GC: variants seen among roughly 807,000 people sequenced by gnomAD.
GC encodes the protein vitamin D-binding protein.
A neutral mutation model predicts 56.7 loss-of-function variants in GC; 43 were observed. The ratio of observed to expected loss-of-function variants is 0.76; its 90% CI spans 0.59 to 0.98. The LOEUF is 0.98. Among genes scored for constraint, GC ranks in the 50% least tolerant of loss-of-function variants. The pLI is 0.00. For synonymous variants in GC, 216 were observed against 202.7 expected (o/e 1.07, Z -0.56); for missense variants, 529 against 545.9 (o/e 0.97, Z 0.31).
intron 3 of GC, among the ~76,000 whole-genome samples, chr4:71,765,991 A>G (rs906202728): frequency 6.6e-6 from 1 of 152,164 alleles, no homozygotes; most frequent in African/African-American, 2.4e-5. Context: ...GGGTCATTTG[A>G]AAAAGCTCCA....
intron 3 of GC, among the ~76,000 whole-genome samples, chr4:71,766,424 C>T (rs1418062051): frequency 1.3e-5 from 2 of 152,002 alleles, no homozygotes; most frequent in Non-Finnish European, 2.9e-5. Context: ...TCAAAACAAT[C>T]GTAGCATCAA....
intron 1 of GC, among the ~76,000 whole-genome samples, chr4:71,772,956 T>A (rs1461726216): frequency 6.6e-6 from 1 of 152,036 alleles, no homozygotes; most frequent in Non-Finnish European, 1.5e-5. Context: ...ATACAGCAAA[T>A]AAATACTAAA....
chr4:71,758,438 A>C (rs915432644), intron 6 of GC, among the ~76,000 whole-genome samples: 5 of 152,212 alleles, frequency 3.3e-5, no homozygotes, highest in African/African-American at 1.2e-4. Flanking sequence ...GCACTCCTTT[A>C]AAATGTTAGA....
chr4:71,748,319 A>C (rs1241520596), intron 11 of GC, among the ~76,000 whole-genome samples: 6 of 152,104 alleles, frequency 3.9e-5, no homozygotes, highest in African/African-American at 1.4e-4. Context: ...TTTTCCTGAC[A>C]CAAGAAAGAC....
chr4:71,792,013 G>A (rs1469944389), intron 1 of GC, among the ~76,000 whole-genome samples: 1 of 152,146 alleles, frequency 6.6e-6, no homozygotes, highest in African/African-American at 2.4e-5. Context: ...TTTTATGGCT[G>A]CATAGTATTC....
At chr4:71,784,203 A>C, upstream of GC, 2 of 1,282,862 alleles carry the variant, frequency 1.6e-6, no homozygotes, top group Non-Finnish European at 2.0e-6. Context: ...TCTTTGGCCC[A>C]AAAGAGATAA....
At chr4:71,749,662 A>G (rs1322868833) in intron 11 of GC, among the ~76,000 whole-genome samples, 1 of 152,216 alleles carries the variant, frequency 6.6e-6, no homozygotes, top group African/African-American at 2.4e-5. Context: ...TGGTATGAAA[A>G]GAAAGAACTG....
At chr4:71,784,868 A>G (rs1390887943), upstream of GC, among the ~76,000 whole-genome samples, 1 of 151,710 alleles carries the variant, frequency 6.6e-6, no homozygotes, top group Non-Finnish European at 1.5e-5. Flanking sequence ...GAGGCCCTGT[A>G]GGACATGAAA....
intron 4 of GC, among the ~76,000 whole-genome samples, chr4:71,765,049 T>C (rs1486758329): frequency 6.6e-6 from 1 of 152,202 alleles, no homozygotes; most frequent in Non-Finnish European, 1.5e-5. Context: ...TATGCTTTAC[T>C]GGAAATTAAG....
chr4:71,776,588 CA>C (rs1430656242), intron 1 of GC, among the ~76,000 whole-genome samples: 2 of 151,762 alleles, frequency 1.3e-5, no homozygotes, highest in East Asian at 1.9e-4. Context: ...TATTTTGCGT[CA>C]GGGTGACTAT....
chr4:71,804,734 T>A (rs1385605762), upstream of GC, among the ~76,000 whole-genome samples: 1 of 152,170 alleles, frequency 6.6e-6, no homozygotes, highest in Non-Finnish European at 1.5e-5. Context: ...TATACCCAAT[T>A]GCCTTGTTCG....
intron 1 of GC, among the ~76,000 whole-genome samples, chr4:71,794,392 C>A (rs1401945384): frequency 6.6e-6 from 1 of 152,054 alleles, no homozygotes; most frequent in East Asian, 1.9e-4. Flanking sequence ...TGGGAGAGTG[C>A]ATGTGTCCAG....
chr4:71,751,388 T>C (rs1741549787), intron 11 of GC, among the ~76,000 whole-genome samples: 1 of 152,174 alleles, frequency 6.6e-6, no homozygotes, highest in African/African-American at 2.4e-5. Flanking sequence ...GAATACAAGA[T>C]ACCAACCTAA....
At chr4:71,771,244 A>G (rs1742330398) in intron 1 of GC, among the ~76,000 whole-genome samples, 1 of 152,146 alleles carries the variant, frequency 6.6e-6, no homozygotes, top group Non-Finnish European at 1.5e-5. Context: ...ATTTTATGGA[A>G]GACAGTGTAA....
chr4:71,765,785 A>G (rs1304140729), intron 3 of GC, 142 bp from the exon 4 acceptor site: 2 of 613,408 alleles, frequency 3.3e-6, no homozygotes, highest in Non-Finnish European at 5.8e-6. Context: ...CCATGAAGTG[A>G]TTTTTTAACA....
At chr4:71,802,102 T>A (rs564888043) in intron 1 of GC, among the ~76,000 whole-genome samples, 1 of 152,324 alleles carries the variant, frequency 6.6e-6, no homozygotes, top group African/African-American at 2.4e-5. Flanking sequence ...GGACAGTAGA[T>A]TTTATTCATC....
chr4:71,778,533 T>C (rs1459909991), intron 1 of GC, among the ~76,000 whole-genome samples: 1 of 151,898 alleles, frequency 6.6e-6, no homozygotes, highest in Non-Finnish European at 1.5e-5. Context: ...ATCATTGCCA[T>C]GTGAAAATTT....
In GC at chr4:71,769,368, C is replaced by T. The variant is rs1742274009; in HGVS notation, c.91G>A (p.Glu31Lys). The T allele has an allele frequency of 6.2e-7, 1 of 1,612,906 alleles. No individual in the cohort carries two copies. Among genetic ancestry groups the T allele is most frequent in the Non-Finnish European group, 8.5e-7 (1 of 1,179,200 alleles). ...TCCTCCTTTCCCAGATGGGAGAATT[C>T]CTTGCAGACTTTATTCTTTTCATAA... ...RDYEKNKVCKEFSHLGKEDFT... is the reference protein window; with the variant it reads ...RDYEKNKVCKKFSHLGKEDFT... Residue 31 changes from glutamate (E) to lysine (K), a missense_variant, in exon 2 of 13, where the codon GAA (glutamate) becomes AAA (lysine). Physicochemically the swap from Glu to Lys is moderately conservative, Grantham distance 56 (BLOSUM62 1). Transcript: ENST00000273951.
At chr4:71,794,313 AATT>A (rs759209019) in intron 1 of GC, among the ~76,000 whole-genome samples, 12 of 152,116 alleles carry the variant, frequency 7.9e-5, no homozygotes, top group Admixed American at 3.3e-4. Context: ...GTAAGCTATT[AATT>A]ATTGCCTCAA....
Sources: gnomAD v4.1 joint callset for allele counts (sites outside exome capture counted in the v4.1 genomes callset) on GRCh38, gnomAD v4.1.1 for gene constraint, MANE v1.5 for transcripts, NCBI Gene and HGNC (gene_info 2026-07-23, HGNC 2026-07-21) for gene names.